Variants in KATNIP observed in about 807,000 individuals in gnomAD.
KATNIP encodes the protein katanin interacting protein, also known as katanin-interacting protein.
Under a neutral mutation model 174.0 loss-of-function variants are expected in KATNIP, and 126 were observed. The ratio of observed to expected loss-of-function variants is 0.72; its 90% CI spans 0.63 to 0.84. The LOEUF (loss-of-function observed/expected upper bound fraction) is 0.84. Among genes scored for constraint, KATNIP ranks in the 40% least tolerant of loss-of-function variants. KATNIP has a pLI of 0.00. For synonymous variants in KATNIP, 810 were observed against 835.7 expected, an observed-to-expected ratio of 0.97 and a Z score of 0.53; for missense variants, 1,958 against 2,109.7, an observed-to-expected ratio of 0.93 and a Z score of 1.41.
At chr16:27,575,037 T>G (rs926411214) in intron 2 of KATNIP, among the ~76,000 whole-genome samples, 1 of 152,186 alleles carries the variant, frequency 6.6e-6, no homozygotes, top group African/African-American at 2.4e-5. Context: ...GACTAGAGGT[T>G]AAGTGAAACA....
In KATNIP at chr16:27,699,142, T is replaced by C. The variant is rs187873134; in HGVS notation, c.1114-392T>C. Among the ~76,000 whole-genome samples, 284 of 152,318 alleles carry C rather than the reference T, an allele frequency of 1.9e-3. 3 individuals carry two copies. Among genetic ancestry groups the C allele is most frequent in the East Asian group, 2.7e-3 (14 of 5,180 alleles). On this transcript the variant is annotated intron_variant, in intron 9 of 27. Coordinates refer to ENST00000261588, the MANE Select transcript of KATNIP (RefSeq NM_015202.5). ...CCTTTTTCTTAGCTTGTCCCCCCGA[T>C]GCTCAGAGTAGCCCTTAAATAGGCA...
At chr16:27,680,366 G>C (rs1055136672) in intron 7 of KATNIP, among the ~76,000 whole-genome samples, 4 of 152,134 alleles carry the variant, frequency 2.6e-5, no homozygotes, top group Admixed American at 2.6e-4. Flanking sequence ...GGGCTCTAAA[G>C]AGGTGACTGA....
intron 6 of KATNIP, among the ~76,000 whole-genome samples, chr16:27,651,565 C>T (rs191445456): frequency 4.5e-4 from 69 of 152,330 alleles, no homozygotes; most frequent in Admixed American, 2.6e-4. Context: ...TTGAAACACA[C>T]CAGCCTCTCG....
intron 6 of KATNIP, among the ~76,000 whole-genome samples, chr16:27,668,564 C>T (rs1370336209): frequency 6.6e-6 from 1 of 152,212 alleles, no homozygotes; most frequent in Non-Finnish European, 1.5e-5. Context: ...TTATCAGCAG[C>T]GTGAAAACGG....
chr16:27,720,496 CTTT>C (rs56263804), intron 13 of KATNIP, among the ~76,000 whole-genome samples: 1 of 124,570 alleles, frequency 8.0e-6, no homozygotes. Context: ...GGGTTTTGTT[CTTT>C]TTTTTTTTTT....
In KATNIP at chr16:27,666,399, TTTG is replaced by T. The variant is rs1250626244; in HGVS notation, c.541-11327_541-11325del. On this transcript the variant is annotated intron_variant, in intron 6 of 27. Coordinates refer to ENST00000261588, the MANE Select transcript of KATNIP (RefSeq NM_015202.5). ...TTGATGTAGGGGAATGAGTTTTTGT[TTTG>T]TTTTGTTTTGTTTTGTTTTGTTTTG... Among the ~76,000 whole-genome samples, 3 of 150,060 alleles carry T rather than the reference TTTG, an allele frequency of 2.0e-5. No individual in the cohort carries two copies. In the East Asian group the frequency reaches 5.9e-4, roughly 30 times the overall value.
Position 27,749,968 on chromosome 16 carries a change from G to T in KATNIP, c.3008G>T (p.Gly1003Val). 6.2e-7 allele frequency: 1 copy of T among 1,614,204 alleles called. No homozygotes were observed. The change falls in exon 16 of 28, where the codon GGT becomes GTT. Residue 1003 changes from glycine (G) to valine (V), a missense_variant. Gly to Val is a moderately radical substitution (Grantham distance 109, BLOSUM62 -3). Transcript: ENST00000261588. Reference sequence around the variant, plus strand: ...GGAATAGAAATATTCAGTTCCAAGGGTGAACCGGTGCAGATTTCAAACATA... The same window carrying T: ...GGAATAGAAATATTCAGTTCCAAGGTTGAACCGGTGCAGATTTCAAACATA... ...LNGIEIFSSKGEPVQISNIKA... is the reference protein window; with the variant it reads ...LNGIEIFSSKVEPVQISNIKA...
intron 14 of KATNIP, among the ~76,000 whole-genome samples, chr16:27,725,235 A>G (rs897609187): frequency 9.2e-5 from 14 of 152,206 alleles, no homozygotes; most frequent in African/African-American, 2.9e-4. Flanking sequence ...AATCATCTCA[A>G]TTAACCCCCA....
chr16:27,575,370 C>A (rs577246676), intron 2 of KATNIP, among the ~76,000 whole-genome samples: 4 of 152,130 alleles, frequency 2.6e-5, no homozygotes, highest in Admixed American at 1.3e-4. Context: ...ATAGGTTACT[C>A]CAGGGCCCTT....
At chr16:27,574,081 G>A (rs2090402338) in intron 2 of KATNIP, 125 bp downstream of exon 2, 3 of 781,244 alleles carry the variant, frequency 3.8e-6, no homozygotes, top group Admixed American at 2.2e-5. Flanking sequence ...CTTGAATCCT[G>A]GAGCAAATGA....
intron 6 of KATNIP, among the ~76,000 whole-genome samples, chr16:27,663,152 C>CTTTTTTTTTTTTT (rs11440523): frequency 5.0e-5 from 4 of 80,052 alleles, no homozygotes; most frequent in Non-Finnish European, 7.4e-5. Context: ...TTTTCTTCTT[C>CTTTTTTTTTTTTT]TTTTTTTTTT....
At chr16:27,755,537 C>T (rs1186510508) in intron 18 of KATNIP, 1 of 152,242 alleles carries the variant, frequency 6.6e-6, no homozygotes, top group Non-Finnish European at 1.5e-5. Flanking sequence ...TTGGGGTCAT[C>T]CTGAGTTGAG....
chr16:27,778,746 G>A lies in KATNIP; in HGVS notation c.*117G>A. On this transcript the variant is annotated 3_prime_UTR_variant, in exon 28 of 28. Transcript: ENST00000261588. ...AGCTGGAAGCGAACCACAGTGTTGA[G>A]GGGAGCCCGCTGGGAAGAGGGGACT... The A allele has an allele frequency of 3.0e-6, 3 of 994,324 alleles. No homozygotes were observed. Among genetic ancestry groups the A allele is most frequent in the Non-Finnish European group, 4.5e-6 (3 of 665,686 alleles). The allele number at this position is 994,324 out of a possible 1,614,324, so 61.6% of individuals were successfully genotyped here.
intron 2 of KATNIP, among the ~76,000 whole-genome samples, chr16:27,586,380 G>A (rs980417747): frequency 6.6e-6 from 1 of 152,160 alleles, no homozygotes; most frequent in Non-Finnish European, 1.5e-5. Context: ...GGCTTAGGCA[G>A]GAGGATCACT....
intron 3 of KATNIP, among the ~76,000 whole-genome samples, chr16:27,624,284 C>T (rs1451311303): frequency 3.9e-5 from 6 of 152,132 alleles, no homozygotes; most frequent in African/African-American, 1.4e-4. Context: ...GGAGGAGACT[C>T]CTCCCCGAAC....
chr16:27,656,928 A>C (rs375346519), intron 6 of KATNIP, among the ~76,000 whole-genome samples: 97 of 151,016 alleles, frequency 6.4e-4, no homozygotes, highest in African/African-American at 2.3e-3. Flanking sequence ...CCTAAAACTT[A>C]AAGTATAAAA....
chr16:27,682,271 G>T (rs887420506), intron 8 of KATNIP, among the ~76,000 whole-genome samples: 1 of 152,160 alleles, frequency 6.6e-6, no homozygotes, highest in African/African-American at 2.4e-5. Flanking sequence ...AGCCACTATC[G>T]TAAGCTTTTA....
chr16:27,619,173 C>A (rs924334803), intron 3 of KATNIP, among the ~76,000 whole-genome samples: 7 of 152,110 alleles, frequency 4.6e-5, no homozygotes, highest in Non-Finnish European at 8.8e-5. Flanking sequence ...CTGGGAGTGG[C>A]CAGGCAGTGA....
At chr16:27,693,921 A>C (rs985714302) in intron 8 of KATNIP, among the ~76,000 whole-genome samples, 3 of 152,190 alleles carry the variant, frequency 2.0e-5, no homozygotes, top group Non-Finnish European at 4.4e-5. Flanking sequence ...GGGGAAAAAA[A>C]AGCATTTGGT....
Sources: allele counts gnomAD v4.1 joint callset (sites outside exome capture counted in the v4.1 genomes callset), GRCh38; gene constraint gnomAD v4.1.1; transcripts MANE v1.5; gene names NCBI Gene and HGNC (gene_info 2026-07-23, HGNC 2026-07-21).